BCAS3: variants seen among roughly 807,000 people sequenced by gnomAD.
BCAS3 encodes the protein BCAS4/BCAS3 fusion.
BCAS3 carries 53 observed loss-of-function variants against 116.1 expected under a neutral mutation model. That is an observed-to-expected ratio of 0.46 (90% CI 0.37 to 0.57). The LOEUF (loss-of-function observed/expected upper bound fraction) is 0.57, where lower values mean the gene tolerates loss of function less well. BCAS3 is among the 20% of genes least tolerant of loss of function. BCAS3 has a pLI of 0.00. For missense variants in BCAS3, 917 were observed against 1,165.4 expected, an observed-to-expected ratio of 0.79 and a Z score of 3.10; for synonymous variants, 391 against 408.2, an observed-to-expected ratio of 0.96 and a Z score of 0.51.
intron 22 of BCAS3, among the ~76,000 whole-genome samples, chr17:61,111,456 C>G (rs1472845264): frequency 2.0e-5 from 3 of 151,344 alleles, no homozygotes; most frequent in Non-Finnish European, 4.4e-5. Flanking sequence ...CCTCAGGAGC[C>G]AATGCGATCA....
At chr17:60,772,896 G>A (rs749210097) in intron 6 of BCAS3, among the ~76,000 whole-genome samples, 2 of 152,104 alleles carry the variant, frequency 1.3e-5, no homozygotes, top group African/African-American at 4.8e-5. Context: ...GGGGCTTAAC[G>A]TGAAGCAAGT....
At chr17:61,202,458 A>G (rs2080895242) in intron 22 of BCAS3, among the ~76,000 whole-genome samples, 2 of 152,040 alleles carry the variant, frequency 1.3e-5, no homozygotes, top group Non-Finnish European at 2.9e-5. Context: ...ACTCTCAACA[A>G]AGAGTTTACT....
intron 22 of BCAS3, among the ~76,000 whole-genome samples, chr17:61,312,999 C>T (rs2054442760): frequency 6.6e-6 from 1 of 152,234 alleles, no homozygotes; most frequent in Admixed American, 6.5e-5. Flanking sequence ...ATAAGCACTT[C>T]CCAAGTGCCA....
chr17:60,711,378 T>A (rs1156395270), intron 5 of BCAS3, among the ~76,000 whole-genome samples: 1 of 152,126 alleles, frequency 6.6e-6, no homozygotes, highest in Non-Finnish European at 1.5e-5. Context: ...ATTTCTAGGT[T>A]GTGATAAAAC....
rs544762601 is a variant in BCAS3, at chr17:60,832,739, CTT to C, written c.476+24666_476+24667del. The stretch of plus-strand genomic sequence containing the variant: ...TGCTTTTCAAAATGAATTCTAAAAA[CTT>C]TTGTAGTATCAAACTGATAACTATT... On this transcript the variant is annotated intron_variant, in intron 7 of 23. Coordinates refer to ENST00000407086, the MANE Select transcript of BCAS3 (RefSeq NM_017679.5). 9.6e-4 allele frequency among the ~76,000 whole-genome samples: 146 copies of C among 152,214 alleles called. 1 individual carries two copies. In the Middle Eastern group the frequency reaches 0.014, roughly 14 times the overall value.
At chr17:61,153,184 A>G (rs1367337084) in intron 22 of BCAS3, among the ~76,000 whole-genome samples, 5 of 152,136 alleles carry the variant, frequency 3.3e-5, no homozygotes, top group Non-Finnish European at 7.3e-5. Flanking sequence ...CTCACCTTTT[A>G]TGAGAGTGTT....
intron 22 of BCAS3, among the ~76,000 whole-genome samples, chr17:61,280,794 C>T (rs76389602): frequency 0.055 from 8,419 of 152,196 alleles, 277 homozygotes; most frequent in African/African-American, 0.11. Flanking sequence ...CTAAAGGTTC[C>T]GCCAGTTCTC....
intron 5 of BCAS3, among the ~76,000 whole-genome samples, chr17:60,722,304 T>G (rs2039323328): frequency 6.6e-6 from 1 of 152,218 alleles, no homozygotes; most frequent in African/African-American, 2.4e-5. Context: ...CAGTAGGTAC[T>G]GCCAAATAGT....
intron 22 of BCAS3, among the ~76,000 whole-genome samples, chr17:61,231,884 A>AAG (rs2082701064): frequency 1.3e-5 from 2 of 150,420 alleles, no homozygotes; most frequent in African/African-American, 2.5e-5. Context: ...AAAAAAAAAA[A>AAG]AAAGAAAGAG....
intron 6 of BCAS3, among the ~76,000 whole-genome samples, chr17:60,757,762 T>G (rs1170914043): frequency 6.6e-6 from 1 of 152,134 alleles, no homozygotes; most frequent in African/African-American, 2.4e-5. Context: ...CCTTTTAGTT[T>G]AATATAGTCC....
chr17:60,692,806 A>AATCGGTTGAACCCAGGAGGTGGAGG lies in BCAS3; in HGVS notation c.214+3049_214+3050insGTTGAACCCAGGAGGTGGAGGATCG, dbSNP rs2035029065. Among the ~76,000 whole-genome samples, 7 of 148,524 alleles carry AATCGGTTGAACCCAGGAGGTGGAGG rather than the reference A, an allele frequency of 4.7e-5. No individual in the cohort carries two copies. The South Asian group carries it at 1.5e-3, about 32-fold the overall frequency. On this transcript the variant is annotated intron_variant, in intron 4 of 23. Coordinates refer to ENST00000407086, the MANE Select transcript of BCAS3 (RefSeq NM_017679.5). ...AGCTATTCGGGAGGCTGAGGAGGAG[A>AATCGGTTGAACCCAGGAGGTGGAGG]ATCGTTTGAACCCAGGAGGTGGAGG...
chr17:60,801,692 T>C (rs1414407135), intron 6 of BCAS3, among the ~76,000 whole-genome samples: 1 of 152,228 alleles, frequency 6.6e-6, no homozygotes, highest in East Asian at 1.9e-4. Flanking sequence ...GTTTCTTCTC[T>C]GGTAGCTTAT....
intron 7 of BCAS3, among the ~76,000 whole-genome samples, chr17:60,817,123 CTT>C (rs1445500274): frequency 2.0e-5 from 3 of 152,328 alleles, no homozygotes; most frequent in East Asian, 3.9e-4. Context: ...CATACTCTCT[CTT>C]ACTGCATTGA....
rs755966067 is a variant in BCAS3, at chr17:60,976,020, C to CTTTTTTTTTTT, written c.1222-13941_1222-13931dup. Among the ~76,000 whole-genome samples the CTTTTTTTTTTT allele has an allele frequency of 1.0e-3, 98 of 98,302 alleles. 2 individuals are homozygous for CTTTTTTTTTTT. Among genetic ancestry groups the CTTTTTTTTTTT allele is most frequent in the Non-Finnish European group, 1.1e-3 (65 of 56,598 alleles). The allele number at this position is 98,302 out of a possible 152,430, so 64.5% of individuals were successfully genotyped here. ...GCAAACATTTGTATATAGATTTTTG[C>CTTTTTTTTTTT]TTTTTTTTTTTTTTTTTTTTCTTTT... is the stretch of plus-strand genomic sequence containing the variant. On this transcript the variant is annotated intron_variant, in intron 14 of 23. Transcript: ENST00000407086.
chr17:60,782,883 C>A (rs2045955218), intron 6 of BCAS3, among the ~76,000 whole-genome samples: 1 of 152,024 alleles, frequency 6.6e-6, no homozygotes, highest in African/African-American at 2.4e-5. Flanking sequence ...CCACCGCACC[C>A]AGCCAGTCTT....
chr17:61,005,120 G>T (rs758223197), intron 15 of BCAS3, among the ~76,000 whole-genome samples: 3 of 152,104 alleles, frequency 2.0e-5, no homozygotes, highest in Non-Finnish European at 4.4e-5. Context: ...ACTGGGGATG[G>T]TCGTGGTATC....
Position 61,106,504 on chromosome 17 carries a change from C to A in BCAS3, c.2425+21940C>A, listed in dbSNP as rs1568364687. On this transcript the variant is annotated intron_variant, in intron 22 of 23. Coordinates refer to ENST00000407086, the MANE Select transcript of BCAS3 (RefSeq NM_017679.5). This position sits in a 1 kb window ranked among gnomAD's most constrained non-coding sequence, Gnocchi z 4.2. ...CTATCTAGGTTTGTACAAGCATACTCTATGATGTTTGCACAGTGATGAAAT... is the reference window on the plus strand; with the variant it reads ...CTATCTAGGTTTGTACAAGCATACTATATGATGTTTGCACAGTGATGAAAT... 6.6e-6 allele frequency among the ~76,000 whole-genome samples: 1 copy of A among 152,272 alleles called. No individual in the cohort carries two copies. The highest frequency in any genetic ancestry group is 1.9e-4 in the East Asian group (1 of 5,186).
chr17:60,976,274 T>C (rs1199540392), intron 14 of BCAS3, among the ~76,000 whole-genome samples: 1 of 151,692 alleles, frequency 6.6e-6, no homozygotes, highest in African/African-American at 2.4e-5. Flanking sequence ...TCCACCCGCC[T>C]CGGCCTGCCA....
intron 7 of BCAS3, among the ~76,000 whole-genome samples, chr17:60,812,984 C>T (rs1342875666): frequency 6.6e-6 from 1 of 152,152 alleles, no homozygotes; most frequent in Non-Finnish European, 1.5e-5. Flanking sequence ...TTCAAGCAAT[C>T]CTCCTATCCC....
Sources: gnomAD v4.1 joint callset for allele counts (sites outside exome capture counted in the v4.1 genomes callset) on GRCh38, gnomAD v4.1.1 for gene constraint, Gnocchi (gnomAD v3.1) non-coding constraint, MANE v1.5 for transcripts, NCBI Gene and HGNC (gene_info 2026-07-23, HGNC 2026-07-21) for gene names.